The following AFAP1L2 variants were observed in gnomAD, a reference collection of about 807,000 sequenced individuals.
The protein encoded by AFAP1L2 is actin filament associated protein 1 like 2, also known as actin filament-associated protein 1-like 2.
A neutral mutation model predicts 99.3 loss-of-function variants in AFAP1L2; 46 were observed. That is an observed-to-expected ratio of 0.46 (90% CI 0.37 to 0.59). AFAP1L2 has a LOEUF of 0.59. Ranked by LOEUF, AFAP1L2 falls within the 20% of genes least tolerant of loss-of-function variation. The pLI is 0.00. For missense variants in AFAP1L2, 959 were observed against 1,034.9 expected, an observed-to-expected ratio of 0.93 and a Z score of 1.01; for synonymous variants, 397 against 419.1, an observed-to-expected ratio of 0.95 and a Z score of 0.64.
At chr10:114,288,980 C>T in the AFAP1L2 span, 3 of 1,613,890 alleles carry the variant, frequency 1.9e-6, no homozygotes, top group Non-Finnish European at 2.5e-6. Context: ...ATGTTGGACA[C>T]CTCTGCCTCA....
chr10:114,339,618 G>A (rs1449060487), intron 2 of AFAP1L2, among the ~76,000 whole-genome samples: 1 of 152,154 alleles, frequency 6.6e-6, no homozygotes, highest in Non-Finnish European at 1.5e-5. Context: ...GTATACCTTG[G>A]AATATGATTG....
At chr10:114,282,885 A>C in the AFAP1L2 span, among the ~76,000 whole-genome samples, 15 of 152,290 alleles carry the variant, frequency 9.8e-5, no homozygotes, top group South Asian at 2.1e-4. Flanking sequence ...TCAGGGCAAG[A>C]TATCTGAGTG....
At chr10:114,304,529 G>A (rs1373562740) in intron 11 of AFAP1L2, among the ~76,000 whole-genome samples, 190 bp downstream of exon 11, 2 of 152,146 alleles carry the variant, frequency 1.3e-5, no homozygotes, top group East Asian at 1.9e-4. Context: ...CTCTTATAAC[G>A]CAACTACTCT....
chr10:114,304,698 C>T (rs765132013), intron 11 of AFAP1L2, 21 bp downstream of exon 11: 7 of 1,583,766 alleles, frequency 4.4e-6, no homozygotes, highest in Non-Finnish European at 5.1e-6. Context: ...TGGCCCTGCT[C>T]CCCCTGCAGG....
downstream of AFAP1L2, chr10:114,294,813 CTG>C (rs2039927826): frequency 1.0e-6 from 1 of 982,712 alleles, no homozygotes; most frequent in African/African-American, 1.8e-5. Context: ...ATTTCATGAA[CTG>C]AGGAAAACTT....
the AFAP1L2 span, chr10:114,286,353 G>A: frequency 1.7e-5 from 28 of 1,613,720 alleles, no homozygotes; most frequent in East Asian, 1.6e-4. Flanking sequence ...GCAAGGGCGC[G>A]AGAGCTGCTC....
intron 1 of AFAP1L2, among the ~76,000 whole-genome samples, chr10:114,401,153 G>C (rs942049215): frequency 2.0e-5 from 3 of 152,160 alleles, no homozygotes; most frequent in African/African-American, 7.2e-5. Flanking sequence ...CAAAAGAACC[G>C]CAGAAAAAGA....
Position 114,313,907 on chromosome 10 carries a change from G to A in AFAP1L2, c.756C>T (p.Gly252=), listed in dbSNP as rs1445259578. 1.9e-6 allele frequency: 3 copies of A among 1,613,656 alleles called. No homozygotes were observed. Among genetic ancestry groups the A allele is most frequent in the Non-Finnish European group, 2.5e-6 (3 of 1,179,856 alleles). The change falls in exon 7 of 19, where the codon GGC becomes GGT. Residue 252 remains glycine (G), a synonymous_variant. Coordinates refer to ENST00000304129, the MANE Select transcript of AFAP1L2 (RefSeq NM_001001936.3). ...TPMNADVIVL[G]LQSKDQAEQW... Reference sequence around the variant, plus strand: ...GCTCAGCCTGGTCCTTGCTCTGCAGGCCCAGCACAATCACATCGGCATTCA... The same window carrying A: ...GCTCAGCCTGGTCCTTGCTCTGCAGACCCAGCACAATCACATCGGCATTCA...
At chr10:114,373,285 A>G (rs1304416771) in intron 1 of AFAP1L2, among the ~76,000 whole-genome samples, 4 of 152,130 alleles carry the variant, frequency 2.6e-5, no homozygotes, top group Admixed American at 2.0e-4. Flanking sequence ...CAAAATTTGC[A>G]TTACAGGAAA....
Position 114,377,533 on chromosome 10 carries a change from G to C in AFAP1L2, c.16+26907C>G, listed in dbSNP as rs914715206. 3.4e-4 allele frequency among the ~76,000 whole-genome samples: 51 copies of C among 152,170 alleles called. No individual in the cohort carries two copies. Among genetic ancestry groups the C allele is most frequent in the African/African-American group, 4.8e-5 (2 of 41,434 alleles). On this transcript the variant is annotated intron_variant, in intron 1 of 18. Coordinates refer to ENST00000304129, the MANE Select transcript of AFAP1L2 (RefSeq NM_001001936.3). The surrounding 1 kb of genome is among the most constrained non-coding windows in gnomAD (Gnocchi z 4.0). ...CCATATGCCATATGTACTTAATCAAGGGAGTATAACTTAGGCATCAGTGGT... is the reference window on the plus strand; with the variant it reads ...CCATATGCCATATGTACTTAATCAACGGAGTATAACTTAGGCATCAGTGGT...
intron 1 of AFAP1L2, among the ~76,000 whole-genome samples, chr10:114,388,805 G>C (rs2056815953): frequency 6.6e-6 from 1 of 152,170 alleles, no homozygotes; most frequent in African/African-American, 2.4e-5. Flanking sequence ...AAACAGAAAT[G>C]AGGATTTCTA....
rs2055021311 is a variant in AFAP1L2, at chr10:114,377,949, T to C, written c.16+26491A>G. On this transcript the variant is annotated intron_variant, in intron 1 of 18. Coordinates refer to ENST00000304129, the MANE Select transcript of AFAP1L2 (RefSeq NM_001001936.3). This position sits in a 1 kb window ranked among gnomAD's most constrained non-coding sequence, Gnocchi z 4.0. Reference sequence around the variant, plus strand: ...AAGAAACTGTATTATGGTTTTTTTGTGGGTCTTCACTGGTGCCACCCCTAC... The same window carrying C: ...AAGAAACTGTATTATGGTTTTTTTGCGGGTCTTCACTGGTGCCACCCCTAC... Among the ~76,000 whole-genome samples the C allele has an allele frequency of 6.6e-6, 1 of 152,206 alleles. No individual in the cohort carries two copies. Among genetic ancestry groups the C allele is most frequent in the African/African-American group, 2.4e-5 (1 of 41,448 alleles).
chr10:114,295,257 A>AAG lies in AFAP1L2; in HGVS notation c.*783_*784dup. 1 of 985,646 alleles carries AAG rather than the reference A, an allele frequency of 1.0e-6. No individual in the cohort carries two copies. The highest frequency in any genetic ancestry group is 1.2e-6 in the Non-Finnish European group (1 of 829,736). 61.1% of individuals were successfully genotyped at this position (985,646 alleles called of 1,614,324 possible). A position where few individuals can be genotyped will look rare whatever the true frequency, so the allele number is the denominator to read the frequency against. ...ACAGAGTAATATTTTTCCTACAGTAAAGAGTCACTTTAATCTCAAAAGATA... is the reference window on the plus strand; with the variant it reads ...ACAGAGTAATATTTTTCCTACAGTAAAGAGAGTCACTTTAATCTCAAAAGATA... On this transcript the variant is annotated 3_prime_UTR_variant, in exon 19 of 19. Coordinates refer to ENST00000304129, the MANE Select transcript of AFAP1L2 (RefSeq NM_001001936.3).
intron 1 of AFAP1L2, 29 bp downstream of exon 1, chr10:114,404,411 T>A (rs1417735955): frequency 6.5e-7 from 1 of 1,539,344 alleles, no homozygotes. Flanking sequence ...GGAGTGGGTG[T>A]GCGCCGCGCG....
chr10:114,321,449 G>T (rs2045293982), intron 5 of AFAP1L2, among the ~76,000 whole-genome samples: 1 of 152,020 alleles, frequency 6.6e-6, no homozygotes, highest in African/African-American at 2.4e-5. Context: ...ACCTTTTTCT[G>T]GCTGAGTAGT....
the AFAP1L2 span, chr10:114,289,123 G>C: frequency 6.2e-7 from 1 of 1,614,064 alleles, no homozygotes; most frequent in African/African-American, 1.3e-5. Context: ...CTTCGGGCTG[G>C]ACACCAAACC....
rs142552824 is a variant in AFAP1L2, at chr10:114,323,226, C to T, written c.351G>A (p.Thr117=). The change falls in exon 5 of 19, where the codon ACG becomes ACA. Residue 117 remains threonine, a synonymous_variant. Coordinates refer to ENST00000304129, the MANE Select transcript of AFAP1L2 (RefSeq NM_001001936.3). The stretch of plus-strand genomic sequence containing the variant: ...CTTCATAGTAGCCCTCTGGAGACTC[C>T]GTCTTTGGGATGGCAAGCTGTTTCC... ...PERKQLAIPK[T]ESPEGYYEEA... The T allele has an allele frequency of 5.0e-4, 803 of 1,602,076 alleles. No homozygotes were observed. Among genetic ancestry groups the T allele is most frequent in the Non-Finnish European group, 6.2e-4 (724 of 1,173,552 alleles).
chr10:114,300,434 G>GA lies in AFAP1L2; in HGVS notation c.1788+10dup, dbSNP rs1243911085. The GA allele has an allele frequency of 1.4e-6, 2 of 1,474,792 alleles. No individual in the cohort carries two copies. The highest frequency in any genetic ancestry group is 1.8e-6 in the Non-Finnish European group (2 of 1,117,328). The allele number at this position is 1,474,792 out of a possible 1,614,324, so 91.4% of individuals were successfully genotyped here. A position where few individuals can be genotyped will look rare whatever the true frequency, so the allele number is the denominator to read the frequency against. Reference sequence around the variant, plus strand: ...AAGGTGGTCTTGCTGTCCTGCAGGGGAGGCCTGTACCTGTTCTCCCAGGTT... The same window carrying GA: ...AAGGTGGTCTTGCTGTCCTGCAGGGGAAGGCCTGTACCTGTTCTCCCAGGTT... On this transcript the variant is annotated intron_variant, in intron 14 of 18. Coordinates refer to ENST00000304129, the MANE Select transcript of AFAP1L2 (RefSeq NM_001001936.3).
At position 114,304,762 on chromosome 10, in the gene AFAP1L2, G is replaced by A; in HGVS notation, c.1241C>T (p.Ser414Phe). 1 of 1,612,602 alleles carries A rather than the reference G, an allele frequency of 6.2e-7. No homozygotes were observed. The change falls in exon 11 of 19, where the codon TCC becomes TTC. Residue 414 changes from serine (S) to phenylalanine (F), a missense_variant. This residue lies in a region of AFAP1L2 where 576 missense variants were observed against 562.1 expected (regional missense o/e 1.02). Transcript: ENST00000304129. ...CTCGCCCTTGTGGAGGATGCGGAAG[G>A]AGTAGAGGTGGTCGGGGCTGGGGTC... The part of the protein sequence containing the change: ...VPDPSPDHLY[S>F]FRILHKGEEL...
Sources: allele counts gnomAD v4.1 joint callset (sites outside exome capture counted in the v4.1 genomes callset), GRCh38; gene constraint gnomAD v4.1.1; regional missense constraint gnomAD v4.1.1; non-coding constraint Gnocchi (gnomAD v3.1); transcripts MANE v1.5; gene names NCBI Gene and HGNC (gene_info 2026-07-23, HGNC 2026-07-21).